SAMD8: variants seen among roughly 807,000 people sequenced by gnomAD.
The protein encoded by SAMD8 is sphingomyelin synthase-related protein 1.
A neutral mutation model predicts 42.0 loss-of-function variants in SAMD8; 20 were observed. That is an observed-to-expected ratio of 0.48 (90% CI 0.34 to 0.69). The LOEUF (loss-of-function observed/expected upper bound fraction) is 0.69, where lower values mean the gene tolerates loss of function less well. Ranked by LOEUF, SAMD8 falls within the 30% of genes least tolerant of loss-of-function variation. The probability of loss-of-function intolerance (pLI) is 0.01; values close to 1 mark genes in which losing one functional copy is unlikely to be tolerated. For missense variants in SAMD8, 328 were observed against 511.6 expected, an observed-to-expected ratio of 0.64 and a Z score of 3.46; for synonymous variants, 162 against 173.0, an observed-to-expected ratio of 0.94 and a Z score of 0.50.
At chr10:75,105,345 C>A (rs1446283817) in intron 1 of SAMD8, among the ~76,000 whole-genome samples, 1 of 152,146 alleles carries the variant, frequency 6.6e-6, no homozygotes, top group African/African-American at 2.4e-5. Context: ...TCCCCTCTTC[C>A]ATTTTATGCT....
chr10:75,102,203 G>A (rs376672168), intron 1 of SAMD8, among the ~76,000 whole-genome samples: 48 of 152,302 alleles, frequency 3.2e-4, no homozygotes, highest in African/African-American at 1.0e-3. Context: ...GGGGCCGGGC[G>A]CGGTGGCTGA....
chr10:75,122,797 CA>C (rs1849034889), intron 1 of SAMD8, among the ~76,000 whole-genome samples: 1 of 151,938 alleles, frequency 6.6e-6, no homozygotes, highest in African/African-American at 2.4e-5. Context: ...AGTTTTCTGA[CA>C]ATTTGTATTA....
intron 1 of SAMD8, among the ~76,000 whole-genome samples, chr10:75,133,167 G>A (rs1849311065): frequency 6.6e-6 from 1 of 152,078 alleles, no homozygotes; most frequent in Non-Finnish European, 1.5e-5. Flanking sequence ...TTGGGAGGCT[G>A]AGGCAGGCAG....
rs376953246 is a variant in SAMD8, at chr10:75,161,163, C to G, written c.579-3482C>G. Among the ~76,000 whole-genome samples the G allele has an allele frequency of 9.2e-5, 14 of 152,278 alleles. 1 individual carries two copies. In the East Asian group the frequency reaches 1.7e-3, roughly 19 times the overall value. ...GCAGTTGAATATGAAGCACTGTTGACTTAGGGATACCGTGTCCAGATGAGA... is the reference window on the plus strand; with the variant it reads ...GCAGTTGAATATGAAGCACTGTTGAGTTAGGGATACCGTGTCCAGATGAGA... On this transcript the variant is annotated intron_variant, in intron 2 of 5. Transcript: ENST00000542569.
chr10:75,121,543 A>C (rs935606142), intron 1 of SAMD8, among the ~76,000 whole-genome samples: 3 of 152,186 alleles, frequency 2.0e-5, no homozygotes, highest in Admixed American at 2.0e-4. Flanking sequence ...ATAAAGGTTA[A>C]GCTGTTTCCA....
At chr10:75,125,033 C>T (rs778463689) in intron 1 of SAMD8, among the ~76,000 whole-genome samples, 1 of 152,034 alleles carries the variant, frequency 6.6e-6, no homozygotes, top group Non-Finnish European at 1.5e-5. Flanking sequence ...GTGATCCTCC[C>T]GCCTCCAGCT....
chr10:75,127,535 C>T (rs1211968609), intron 1 of SAMD8, among the ~76,000 whole-genome samples: 1 of 152,168 alleles, frequency 6.6e-6, no homozygotes, highest in East Asian at 1.9e-4. Flanking sequence ...TAGAACAGTT[C>T]CTCAGACACT....
intron 1 of SAMD8, among the ~76,000 whole-genome samples, chr10:75,138,958 CTTTTTTT>C (rs201911661): frequency 0.01 from 1,398 of 133,338 alleles, 26 homozygotes; most frequent in African/African-American, 0.036. Flanking sequence ...GTGGTTTTTT[CTTTTTTT>C]TTTTTTTTTT....
intron 4 of SAMD8, among the ~76,000 whole-genome samples, chr10:75,175,632 T>G (rs1589982303): frequency 6.6e-6 from 1 of 152,090 alleles, no homozygotes; most frequent in African/African-American, 2.4e-5. Context: ...CCCTGCAACC[T>G]CCGCCTCCCA....
At position 75,180,314 on chromosome 10, in the gene SAMD8, C is replaced by T. The variant is rs1230316853; in HGVS notation, c.*3622C>T. 2.0e-5 allele frequency: 3 copies of T among 152,212 alleles called. No homozygotes were observed. The highest frequency in any genetic ancestry group is 6.5e-5 in the Admixed American group (1 of 15,274). 9.4% of individuals were successfully genotyped at this position (152,212 alleles called of 1,614,324 possible). The stretch of plus-strand genomic sequence containing the variant: ...ATAATGCGGACTATGCCTATAATCC[C>T]AGCACTTTAGGAGGCTGAGGCAGGC... On this transcript the variant is annotated 3_prime_UTR_variant, in exon 6 of 6. Coordinates refer to ENST00000542569, the MANE Select transcript of SAMD8 (RefSeq NM_001174156.2).
chr10:75,116,106 GT>G (rs926849958), intron 1 of SAMD8, among the ~76,000 whole-genome samples: 2,143 of 145,522 alleles, frequency 0.015, 49 homozygotes, highest in African/African-American at 0.049. Flanking sequence ...TTTTTTGGTA[GT>G]TTTTTTTTTT....
At chr10:75,132,310 C>A (rs903278819) in intron 1 of SAMD8, among the ~76,000 whole-genome samples, 2 of 152,202 alleles carry the variant, frequency 1.3e-5, no homozygotes, top group African/African-American at 4.8e-5. Flanking sequence ...CTAGACACTT[C>A]AGAATTATAA....
At chr10:75,108,093 C>T (rs764464710), upstream of SAMD8, 2 of 1,613,898 alleles carry the variant, frequency 1.2e-6, no homozygotes, top group African/African-American at 1.3e-5. Context: ...CCCCAGGTAG[C>T]TCACACTGCT....
At chr10:75,153,394 T>G (rs1840337069) in intron 2 of SAMD8, among the ~76,000 whole-genome samples, 1 of 151,930 alleles carries the variant, frequency 6.6e-6, no homozygotes, top group African/African-American at 2.4e-5. Context: ...TGGGATCACC[T>G]GAGGTCAGGA....
At chr10:75,126,954 G>A (rs999455331) in intron 1 of SAMD8, among the ~76,000 whole-genome samples, 4 of 152,032 alleles carry the variant, frequency 2.6e-5, no homozygotes, top group African/African-American at 9.7e-5. Flanking sequence ...TTGGGAAGCC[G>A]AGGCGGGTAG....
intron 4 of SAMD8, 186 bp from the exon 5 acceptor site, chr10:75,175,880 G>C: frequency 3.0e-6 from 3 of 985,320 alleles, no homozygotes; most frequent in Non-Finnish European, 1.2e-6. Flanking sequence ...ATATTTCTGA[G>C]TACAGCCAAG....
Position 75,122,599 on chromosome 10 carries a change from G to A in SAMD8, c.-16+10877G>A, listed in dbSNP as rs117997390. ...CTGCATTCCAGACTGAATGATAGAC[G>A]GAGACTCTGTCTCAAAAAAAAAAAA... On this transcript the variant is annotated intron_variant, in intron 1 of 5. Coordinates refer to ENST00000542569, the MANE Select transcript of SAMD8 (RefSeq NM_001174156.2). 1.9e-3 allele frequency among the ~76,000 whole-genome samples: 281 copies of A among 148,212 alleles called. 5 individuals carry two copies. In the East Asian group the frequency reaches 0.032, roughly 17 times the overall value.
At chr10:75,119,388 C>T (rs1000641833) in intron 1 of SAMD8, among the ~76,000 whole-genome samples, 2 of 152,130 alleles carry the variant, frequency 1.3e-5, no homozygotes, top group African/African-American at 4.8e-5. Context: ...AACTCCTGAC[C>T]TCAGGTGACC....
chr10:75,100,184 C>G (rs1048594597), intron 1 of SAMD8, among the ~76,000 whole-genome samples: 1 of 152,162 alleles, frequency 6.6e-6, no homozygotes, highest in Non-Finnish European at 1.5e-5. Flanking sequence ...GGCTCCACCC[C>G]CAGGAGGCTC....
Sources: gnomAD v4.1 joint callset for allele counts (sites outside exome capture counted in the v4.1 genomes callset) on GRCh38, gnomAD v4.1.1 for gene constraint, MANE v1.5 for transcripts, NCBI Gene and HGNC (gene_info 2026-07-23, HGNC 2026-07-21) for gene names.